SPATA17: variants seen among roughly 807,000 people sequenced by gnomAD.
SPATA17 encodes spermatogenesis associated 17, also known as spermatogenesis-associated protein 17.
SPATA17 carries 53 observed loss-of-function variants against 62.2 expected under a neutral mutation model. The observed-to-expected ratio is 0.85, with a 90% confidence interval of 0.68 to 1.07. The LOEUF is 1.07. Among genes scored for constraint, SPATA17 ranks in the 50% least tolerant of loss-of-function variants. SPATA17 has a pLI of 0.00. For synonymous variants in SPATA17, 146 were observed against 146.8 expected (o/e 0.99, Z 0.04); for missense variants, 466 against 425.5 (o/e 1.10, Z -0.84).
chr1:217,708,458 A>G (rs1431416459), intron 5 of SPATA17, among the ~76,000 whole-genome samples: 2 of 152,182 alleles, frequency 1.3e-5, no homozygotes, highest in African/African-American at 4.8e-5. Context: ...CCTAGAAGAA[A>G]TGGATAAATT....
intron 6 of SPATA17, among the ~76,000 whole-genome samples, chr1:217,748,118 A>C (rs1382574929): frequency 6.6e-6 from 1 of 151,972 alleles, no homozygotes; most frequent in East Asian, 1.9e-4. Context: ...CCTGGCTAAC[A>C]CAGTGAAACC....
intron 3 of SPATA17, among the ~76,000 whole-genome samples, chr1:217,658,026 T>A (rs1670480720): frequency 6.6e-6 from 1 of 152,174 alleles, no homozygotes. Context: ...ATGAGGACAG[T>A]ATGAGGAAAA....
At chr1:217,783,611 C>G (rs1673785772) in intron 8 of SPATA17, among the ~76,000 whole-genome samples, 1 of 152,000 alleles carries the variant, frequency 6.6e-6, no homozygotes, top group South Asian at 2.1e-4. Context: ...TGATGATTAT[C>G]TAAAGAGTTA....
chr1:217,631,410 C>T lies in SPATA17; in HGVS notation c.32C>T (p.Ser11Leu), dbSNP rs781474046. The change falls in exon 1 of 11, where the codon TCG (serine) becomes TTG (leucine). Residue 11 changes from serine (S) to leucine (L), a missense_variant. By Grantham distance (145) the Ser-to-Leu change is moderately radical. Transcript: ENST00000366933. ...ACGTTAGCCCGGCTGCAAGCTAGGT[C>T]GTCGACTGTAGGAAATCAGTACTAC... MATLARLQAR[S>L]STVGNQYYFR... 1.2e-6 allele frequency: 2 copies of T among 1,613,954 alleles called. No individual in the cohort carries two copies. The highest frequency in any genetic ancestry group is 1.3e-5 in the African/African-American group (1 of 74,870).
Position 217,855,545 on chromosome 1 carries a change from T to A in SPATA17, c.1006-7229T>A, listed in dbSNP as rs1675761343. 2.0e-5 allele frequency among the ~76,000 whole-genome samples: 3 copies of A among 152,134 alleles called. No homozygotes were observed. The South Asian group carries it at 6.2e-4, about 32-fold the overall frequency. On this transcript the variant is annotated intron_variant, in intron 9 of 10. Coordinates refer to ENST00000366933, the MANE Select transcript of SPATA17 (RefSeq NM_138796.4). ...TAAATCTCTTCCTTCTGACATATCT[T>A]TATATCTTGTATTACTTTTATCATG...
intron 2 of SPATA17, among the ~76,000 whole-genome samples, chr1:217,649,996 A>G (rs1376721534): frequency 6.8e-6 from 1 of 148,076 alleles, no homozygotes; most frequent in East Asian, 2.0e-4. Context: ...CTGCAGTGCA[A>G]TGGCACCATT....
chr1:217,865,580 A>G (rs1468176618), intron 10 of SPATA17, among the ~76,000 whole-genome samples: 1 of 152,188 alleles, frequency 6.6e-6, no homozygotes, highest in African/African-American at 2.4e-5. Context: ...ATAGTTTCCC[A>G]AAAGCAGTTT....
intron 3 of SPATA17, among the ~76,000 whole-genome samples, chr1:217,662,835 T>C (rs1670599579): frequency 1.3e-5 from 2 of 152,140 alleles, no homozygotes; most frequent in African/African-American, 4.8e-5. Flanking sequence ...ATGCCCAATA[T>C]TTTTGATATT....
chr1:217,667,744 A>G (rs973272112), intron 3 of SPATA17, among the ~76,000 whole-genome samples: 1 of 152,264 alleles, frequency 6.6e-6, no homozygotes, highest in African/African-American at 2.4e-5. Flanking sequence ...AGAAATGTTT[A>G]ATAGCAATGT....
chr1:217,788,320 G>A (rs1170327501), intron 8 of SPATA17, among the ~76,000 whole-genome samples: 1 of 149,636 alleles, frequency 6.7e-6, no homozygotes, highest in East Asian at 2.0e-4. Context: ...CAATAGAAAT[G>A]AGAACCAATT....
At position 217,749,985 on chromosome 1, in the gene SPATA17, C is replaced by CTCTCTATATATATATA; in HGVS notation, c.519+7888_519+7889insCTCTATATATATATAT. Among the ~76,000 whole-genome samples, 45 of 12,304 alleles carry CTCTCTATATATATATA rather than the reference C, an allele frequency of 3.7e-3. 2 individuals are homozygous for CTCTCTATATATATATA. The highest frequency in any genetic ancestry group is 4.3e-3 in the African/African-American group (14 of 3,284). The allele number at this position is 12,304 out of a possible 152,430, so 8.1% of individuals were successfully genotyped here. On this transcript the variant is annotated intron_variant, in intron 6 of 10. Coordinates refer to ENST00000366933, the MANE Select transcript of SPATA17 (RefSeq NM_138796.4). ...TCTCTCTCTCTCTCTCTCTCTCTCT[C>CTCTCTATATATATATA]TATATATATATATATATATATATAT...
At chr1:217,649,939 T>G (rs1010358617) in intron 2 of SPATA17, among the ~76,000 whole-genome samples, 2 of 150,484 alleles carry the variant, frequency 1.3e-5, no homozygotes, top group African/African-American at 4.9e-5. Flanking sequence ...TCTCTCTTTT[T>G]TTTTTTTTTT....
intron 5 of SPATA17, among the ~76,000 whole-genome samples, chr1:217,700,713 A>T (rs1671576164): frequency 6.6e-6 from 1 of 151,142 alleles, no homozygotes; most frequent in Admixed American, 6.6e-5. Flanking sequence ...CAACCTGCCA[A>T]TTAGCAGAGG....
At chr1:217,749,985 CTATATATATA>C (rs57489651) in intron 6 of SPATA17, among the ~76,000 whole-genome samples, 3 of 12,314 alleles carry the variant, frequency 2.4e-4, no homozygotes, top group South Asian at 3.2e-3. Flanking sequence ...CTCTCTCTCT[CTATATATATA>C]TATATATATA....
intron 1 of SPATA17, 50 bp downstream of exon 1, chr1:217,631,496 C>A: frequency 1.9e-6 from 3 of 1,584,132 alleles, no homozygotes; most frequent in Non-Finnish European, 2.6e-6. Flanking sequence ...GACTTTATAC[C>A]AGTTGTTCCT....
chr1:217,687,249 C>T (rs1182023922), intron 5 of SPATA17, among the ~76,000 whole-genome samples: 1 of 151,934 alleles, frequency 6.6e-6, no homozygotes, highest in African/African-American at 2.4e-5. Context: ...ATAATGTTCT[C>T]ATATTCTAAT....
intron 5 of SPATA17, among the ~76,000 whole-genome samples, chr1:217,699,906 T>G (rs2102918404): frequency 6.6e-6 from 1 of 152,330 alleles, no homozygotes; most frequent in South Asian, 2.1e-4. Flanking sequence ...TCTAGCACCA[T>G]TCTTTGAAGA....
intron 9 of SPATA17, among the ~76,000 whole-genome samples, chr1:217,840,885 T>TAAATAAA: frequency 1.3e-5 from 2 of 151,788 alleles, no homozygotes; most frequent in Non-Finnish European, 2.9e-5. Context: ...AAAATAATAA[T>TAAATAAA]AATAGTAACA....
intron 5 of SPATA17, among the ~76,000 whole-genome samples, chr1:217,689,689 C>T (rs1671302543): frequency 2.0e-5 from 3 of 152,128 alleles, no homozygotes; most frequent in Admixed American, 2.0e-4. Flanking sequence ...TGCACCTTCC[C>T]TTTCAATATC....
Sources: gnomAD v4.1 joint callset for allele counts (sites outside exome capture counted in the v4.1 genomes callset) on GRCh38, gnomAD v4.1.1 for gene constraint, MANE v1.5 for transcripts, NCBI Gene and HGNC (gene_info 2026-07-23, HGNC 2026-07-21) for gene names.